PKHD1: variants seen among roughly 807,000 people sequenced by gnomAD.
PKHD1 encodes fibrocystin.
PKHD1 carries 291 observed loss-of-function variants against 412.0 expected under a neutral mutation model. That is an observed-to-expected ratio of 0.71 (90% CI 0.64 to 0.78). The LOEUF (loss-of-function observed/expected upper bound fraction) is 0.78, where lower values mean the gene tolerates loss of function less well. Among genes scored for constraint, PKHD1 ranks in the 30% least tolerant of loss-of-function variants. The probability of loss-of-function intolerance (pLI) is 0.00; values close to 1 mark genes in which losing one functional copy is unlikely to be tolerated. For synonymous variants in PKHD1, 1,777 were observed against 1,821.5 expected (o/e 0.98, Z 0.62); for missense variants, 4,825 against 4,950.7 (o/e 0.97, Z 0.76).
At chr6:51,696,560 C>T (rs1778824410) in intron 60 of PKHD1, among the ~76,000 whole-genome samples, 1 of 152,206 alleles carries the variant, frequency 6.6e-6, no homozygotes, top group African/African-American at 2.4e-5. Context: ...AACTCTTACC[C>T]TACTGTTTTC....
At chr6:51,766,730 G>C (rs552240608) in intron 55 of PKHD1, among the ~76,000 whole-genome samples, 1 of 150,804 alleles carries the variant, frequency 6.6e-6, no homozygotes, top group East Asian at 2.0e-4. Flanking sequence ...TTAAGTTTTA[G>C]GGTACATGTG....
At chr6:51,808,514 A>T (rs200260487) in intron 52 of PKHD1, among the ~76,000 whole-genome samples, 4 of 29,082 alleles carry the variant, frequency 1.4e-4, no homozygotes, top group Non-Finnish European at 3.2e-4. Context: ...AGAATCTCTC[A>T]CACACACACA....
In PKHD1 at chr6:52,066,158, G is replaced by C. The variant is rs1582066209; in HGVS notation, c.779-81C>G. On this transcript the variant is annotated intron_variant, in intron 11 of 66. Transcript: ENST00000371117. ...CCTAGATAATAATATAATAATAGGA[G>C]ATATTAATAATTTCTTACTTTAACT... 5 of 666,206 alleles carry C rather than the reference G, an allele frequency of 7.5e-6. No homozygotes were observed. In the East Asian group the frequency reaches 1.4e-4, roughly 18 times the overall value. 41.3% of individuals were successfully genotyped at this position (666,206 alleles called of 1,614,324 possible).
At chr6:51,762,511 G>C (rs918635829) in intron 55 of PKHD1, among the ~76,000 whole-genome samples, 1 of 151,948 alleles carries the variant, frequency 6.6e-6, no homozygotes, top group African/African-American at 2.4e-5. Flanking sequence ...GAGATAAATT[G>C]ATAAAACACA....
intron 3 of PKHD1, 83 bp from the exon 4 acceptor site, chr6:52,082,625 G>T (rs1812209840): frequency 7.3e-7 from 1 of 1,364,696 alleles, no homozygotes; most frequent in Admixed American, 1.7e-5. Flanking sequence ...GATCCTGGGG[G>T]TAATGTAAGA....
chr6:51,707,851 TG>T (rs1780195840), intron 60 of PKHD1, among the ~76,000 whole-genome samples: 1 of 152,212 alleles, frequency 6.6e-6, no homozygotes, highest in Admixed American at 6.5e-5. Flanking sequence ...GTGAATTTGG[TG>T]ACTCTAAAAT....
chr6:51,657,637 G>A (rs1193236555), intron 61 of PKHD1, among the ~76,000 whole-genome samples: 2 of 152,040 alleles, frequency 1.3e-5, no homozygotes, highest in Non-Finnish European at 2.9e-5. Flanking sequence ...ACAAATGGTG[G>A]GTGATAAATA....
chr6:52,043,181 T>C (rs765758080), intron 26 of PKHD1, 47 bp from the exon 27 acceptor site: 24 of 1,433,258 alleles, frequency 1.7e-5, no homozygotes, highest in Non-Finnish European at 2.3e-5. Context: ...AATCTCTCAG[T>C]GATATTACTT....
At chr6:51,863,860 A>G (rs1442269754) in intron 48 of PKHD1, among the ~76,000 whole-genome samples, 1 of 152,146 alleles carries the variant, frequency 6.6e-6, no homozygotes, top group Non-Finnish European at 1.5e-5. Context: ...TTTTTTATTT[A>G]TATTTTTTTA....
rs760987550 is a variant in PKHD1 at position 51,746,732 on chromosome 6, T to C, written c.9987A>G (p.Ser3329=). The C allele has an allele frequency of 2.5e-6, 4 of 1,601,800 alleles. No individual in the cohort carries two copies. Among genetic ancestry groups the C allele is most frequent in the African/African-American group, 1.3e-5 (1 of 74,692 alleles). The change falls in exon 59 of 67, where the codon TCA becomes TCG. Residue 3329 remains serine (S), a synonymous_variant. Coordinates refer to ENST00000371117, the MANE Select transcript of PKHD1 (RefSeq NM_138694.4). ...ACTAAAAATTATACCTGGGTTGTAA[T>C]GAAGGAAAGTAGAACTTGTTTTTAT... ...IKDKNKFYFP[S]LQPRKDLGKV...
intron 60 of PKHD1, among the ~76,000 whole-genome samples, chr6:51,707,053 A>G (rs1340126324): frequency 6.6e-6 from 1 of 152,194 alleles, no homozygotes; most frequent in Non-Finnish European, 1.5e-5. Flanking sequence ...GAATTGCTGA[A>G]TATATAAGAA....
intron 28 of PKHD1, among the ~76,000 whole-genome samples, chr6:52,034,193 A>AG (rs1342205608): frequency 1.4e-5 from 2 of 146,270 alleles, no homozygotes; most frequent in South Asian, 2.1e-4. Flanking sequence ...AAAAAAAAAA[A>AG]GAACTATAAA....
At chr6:51,739,683 G>A (rs758461619) in intron 60 of PKHD1, among the ~76,000 whole-genome samples, 33 of 152,200 alleles carry the variant, frequency 2.2e-4, no homozygotes, top group Non-Finnish European at 3.1e-4. Flanking sequence ...TAGACAGAAA[G>A]TAGGCAAAAT....
intron 49 of PKHD1, among the ~76,000 whole-genome samples, chr6:51,855,588 T>A (rs1773154681): frequency 6.6e-6 from 1 of 152,232 alleles, no homozygotes; most frequent in African/African-American, 2.4e-5. Flanking sequence ...TGCAATGCTA[T>A]AAGATGTGTA....
intron 52 of PKHD1, among the ~76,000 whole-genome samples, chr6:51,818,679 C>T (rs1765872466): frequency 6.6e-6 from 1 of 152,142 alleles, no homozygotes; most frequent in Non-Finnish European, 1.5e-5. Flanking sequence ...ACTACATTTC[C>T]CAGCTTCCTT....
At chr6:51,671,675 G>T (rs1775007536) in intron 60 of PKHD1, among the ~76,000 whole-genome samples, 1 of 152,126 alleles carries the variant, frequency 6.6e-6, no homozygotes, top group Admixed American at 6.5e-5. Flanking sequence ...CCATCTTGGT[G>T]GTTTTATCTA....
intron 60 of PKHD1, among the ~76,000 whole-genome samples, chr6:51,740,896 G>C (rs966491735): frequency 2.6e-5 from 4 of 152,292 alleles, no homozygotes; most frequent in African/African-American, 9.6e-5. Flanking sequence ...AATCCTTGCA[G>C]TTGGTACCTA....
chr6:51,720,161 A>G (rs1279701437), intron 60 of PKHD1, among the ~76,000 whole-genome samples: 2 of 152,196 alleles, frequency 1.3e-5, no homozygotes, highest in African/African-American at 4.8e-5. Context: ...AATTAACAAA[A>G]TCTTCACTGC....
intron 49 of PKHD1, among the ~76,000 whole-genome samples, chr6:51,854,798 G>A (rs1343701486): frequency 6.6e-6 from 1 of 152,176 alleles, no homozygotes; most frequent in Non-Finnish European, 1.5e-5. Context: ...GGGAAAAAAC[G>A]CAGCCTAGAG....
Sources: gnomAD v4.1 joint callset for allele counts (sites outside exome capture counted in the v4.1 genomes callset) on GRCh38, gnomAD v4.1.1 for gene constraint, MANE v1.5 for transcripts, NCBI Gene and HGNC (gene_info 2026-07-23, HGNC 2026-07-21) for gene names.